GALNT1: variants seen among roughly 807,000 people sequenced by gnomAD.
GALNT1 encodes the protein GalNAc transferase 1.
A neutral mutation model predicts 65.7 loss-of-function variants in GALNT1; 17 were observed. The observed-to-expected ratio is 0.26, with a 90% CI of 0.18 to 0.39. The LOEUF (loss-of-function observed/expected upper bound fraction) is 0.39, where lower values mean the gene tolerates loss of function less well. Among genes scored for constraint, GALNT1 ranks in the 10% least tolerant of loss-of-function variants. The pLI is 1.00. For synonymous variants in GALNT1, 210 were observed against 219.7 expected (o/e 0.96, Z 0.39); for missense variants, 460 against 672.8 (o/e 0.68, Z 3.50).
intron 2 of GALNT1, among the ~76,000 whole-genome samples, chr18:35,662,480 T>C (rs1046899865): frequency 1.3e-5 from 2 of 152,122 alleles, no homozygotes; most frequent in African/African-American, 4.8e-5. Context: ...GCAGCTCTGG[T>C]ATTGGTAGGT....
At chr18:35,614,497 TAGAG>T (rs1252920429) in intron 1 of GALNT1, among the ~76,000 whole-genome samples, 50 of 152,258 alleles carry the variant, frequency 3.3e-4, no homozygotes, top group African/African-American at 1.2e-3. Flanking sequence ...TAGTATTTGA[TAGAG>T]AAACATTAAT....
At chr18:35,695,617 G>A (rs928746102) in intron 9 of GALNT1, among the ~76,000 whole-genome samples, 104 of 152,296 alleles carry the variant, frequency 6.8e-4, no homozygotes, top group African/African-American at 2.4e-3. Context: ...ACAGACTTAC[G>A]CATTTATCCT....
At chr18:35,631,162 C>T (rs1244129970) in intron 1 of GALNT1, among the ~76,000 whole-genome samples, 1 of 152,104 alleles carries the variant, frequency 6.6e-6, no homozygotes, top group Non-Finnish European at 1.5e-5. Flanking sequence ...GAAACTATTC[C>T]AATCAATAGA....
At chr18:35,592,206 A>G (rs2046453602) in intron 1 of GALNT1, among the ~76,000 whole-genome samples, 1 of 152,220 alleles carries the variant, frequency 6.6e-6, no homozygotes, top group Non-Finnish European at 1.5e-5. Context: ...CTCACTGGGC[A>G]CATATTTATT....
intron 4 of GALNT1, among the ~76,000 whole-genome samples, chr18:35,682,655 C>T (rs1379876871): frequency 6.6e-6 from 1 of 152,016 alleles, no homozygotes; most frequent in Non-Finnish European, 1.5e-5. Flanking sequence ...TTTATCTTAT[C>T]CTATATGCTT....
chr18:35,614,922 G>T (rs935330313), intron 1 of GALNT1, among the ~76,000 whole-genome samples: 71 of 152,082 alleles, frequency 4.7e-4, no homozygotes, highest in African/African-American at 1.6e-3. Flanking sequence ...TCTTTAAATA[G>T]AAAGGTATAG....
intron 1 of GALNT1, among the ~76,000 whole-genome samples, chr18:35,624,875 A>G (rs986965514): frequency 4.6e-5 from 7 of 152,172 alleles, no homozygotes; most frequent in African/African-American, 1.7e-4. Flanking sequence ...TTTATTTACT[A>G]AATAATTATT....
chr18:35,701,353 T>C (rs1221641940), intron 9 of GALNT1, among the ~76,000 whole-genome samples: 3 of 152,184 alleles, frequency 2.0e-5, no homozygotes, highest in Non-Finnish European at 2.9e-5. Context: ...TAGACATGGG[T>C]CACTGTGATT....
chr18:35,644,697 T>C (rs1246655629), intron 1 of GALNT1, among the ~76,000 whole-genome samples: 1 of 152,170 alleles, frequency 6.6e-6, no homozygotes, highest in Non-Finnish European at 1.5e-5. Flanking sequence ...GTCTGCTTTA[T>C]AATTCAGTCC....
At chr18:35,652,616 G>A (rs547725922) in intron 1 of GALNT1, among the ~76,000 whole-genome samples, 9 of 152,218 alleles carry the variant, frequency 5.9e-5, no homozygotes, top group Admixed American at 2.6e-4. Context: ...GATTTAGTCC[G>A]TATTTCCTTT....
chr18:35,587,872 T>G (rs1204529460), intron 1 of GALNT1, among the ~76,000 whole-genome samples: 1 of 152,248 alleles, frequency 6.6e-6, no homozygotes, highest in Non-Finnish European at 1.5e-5. Context: ...TCAATGTCTG[T>G]TTTTATTTTA....
intron 1 of GALNT1, among the ~76,000 whole-genome samples, chr18:35,610,988 A>G (rs1372036822): frequency 6.6e-6 from 1 of 152,188 alleles, no homozygotes; most frequent in Non-Finnish European, 1.5e-5. Flanking sequence ...GTGACTTGGC[A>G]TAGTATAAAA....
chr18:35,650,200 G>T (rs2047291969), intron 1 of GALNT1, among the ~76,000 whole-genome samples: 1 of 152,118 alleles, frequency 6.6e-6, no homozygotes, highest in Non-Finnish European at 1.5e-5. Context: ...CTGGGAGTCT[G>T]GGGGAGACAT....
At chr18:35,602,250 G>A (rs887175982) in intron 1 of GALNT1, among the ~76,000 whole-genome samples, 10 of 152,078 alleles carry the variant, frequency 6.6e-5, no homozygotes, top group African/African-American at 2.4e-4. Context: ...GAGCTCCTTT[G>A]CATCATGTCA....
At chr18:35,688,479 AT>A (rs2047903567) in intron 6 of GALNT1, among the ~76,000 whole-genome samples, 1 of 151,904 alleles carries the variant, frequency 6.6e-6, no homozygotes, top group Non-Finnish European at 1.5e-5. Flanking sequence ...ATCTTCCTTC[AT>A]TTCTTAATAA....
At chr18:35,696,155 C>T (rs2048053056) in intron 9 of GALNT1, among the ~76,000 whole-genome samples, 1 of 152,180 alleles carries the variant, frequency 6.6e-6, no homozygotes, top group Non-Finnish European at 1.5e-5. Context: ...TAATACCAGG[C>T]CACATCCTAC....
intron 1 of GALNT1, among the ~76,000 whole-genome samples, chr18:35,599,387 A>T (rs1450101587): frequency 0.034 from 1,606 of 47,272 alleles, 38 homozygotes; most frequent in African/African-American, 0.14. Flanking sequence ...TTTTTTTTTT[A>T]AGACAAGGTC....
chr18:35,703,016 T>G, intron 10 of GALNT1, 21 bp downstream of exon 10: 1 of 1,394,484 alleles, frequency 7.2e-7, no homozygotes, highest in Non-Finnish European at 9.9e-7. Flanking sequence ...TAGAAAACTC[T>G]TAAAAGGGAT....
At chr18:35,651,083 C>G (rs1202561226) in intron 1 of GALNT1, among the ~76,000 whole-genome samples, 1 of 152,126 alleles carries the variant, frequency 6.6e-6, no homozygotes, top group Non-Finnish European at 1.5e-5. Flanking sequence ...GTTCTTCTGC[C>G]ATGGCTTCAG....
Sources: gnomAD v4.1 joint callset for allele counts (sites outside exome capture counted in the v4.1 genomes callset) on GRCh38, gnomAD v4.1.1 for gene constraint, MANE v1.5 for transcripts, NCBI Gene and HGNC (gene_info 2026-07-23, HGNC 2026-07-21) for gene names.